The following PPFIBP2 variants were observed in gnomAD, a reference collection of about 807,000 sequenced individuals.
The protein encoded by PPFIBP2 is liprin-beta-2.
In PPFIBP2, 118 loss-of-function variants were observed where a neutral mutation model predicts 118.3. That is an observed-to-expected ratio of 1.00 (90% confidence interval 0.86 to 1.16). The LOEUF is 1.16. Among genes scored for constraint, PPFIBP2 ranks in the 50% most tolerant of loss-of-function variants. The pLI, the probability that PPFIBP2 is intolerant of heterozygous loss-of-function variation, is 0.00. For synonymous variants in PPFIBP2, 414 were observed against 397.4 expected, an observed-to-expected ratio of 1.04 and a Z score of -0.50; for missense variants, 1,195 against 1,073.1, an observed-to-expected ratio of 1.11 and a Z score of -1.59.
At chr11:7,589,822 C>G (rs1322253229) in intron 3 of PPFIBP2, among the ~76,000 whole-genome samples, 4 of 152,196 alleles carry the variant, frequency 2.6e-5, no homozygotes, top group Non-Finnish European at 5.9e-5. Flanking sequence ...GATCCACTAT[C>G]CATCCAAGCC....
intron 3 of PPFIBP2, among the ~76,000 whole-genome samples, chr11:7,569,761 A>G (rs1855443255): frequency 6.6e-6 from 1 of 152,178 alleles, no homozygotes; most frequent in Non-Finnish European, 1.5e-5. Flanking sequence ...GTCAGTGCTC[A>G]TGGAGGATGA....
chr11:7,650,378 G>A (rs892614091), intron 21 of PPFIBP2, among the ~76,000 whole-genome samples: 2 of 152,154 alleles, frequency 1.3e-5, no homozygotes, highest in Admixed American at 6.5e-5. Context: ...CAGGCACAGC[G>A]CTGTGCATTT....
chr11:7,535,275 G>GA (rs1334250934), intron 1 of PPFIBP2, among the ~76,000 whole-genome samples: 2 of 152,218 alleles, frequency 1.3e-5, no homozygotes, highest in African/African-American at 4.8e-5. Flanking sequence ...CCTGAGCATT[G>GA]AAAAATTAGT....
chr11:7,589,938 AAT>A (rs1858932420), intron 3 of PPFIBP2, among the ~76,000 whole-genome samples: 1 of 151,740 alleles, frequency 6.6e-6, no homozygotes, highest in African/African-American at 2.4e-5. Context: ...AGTCTTTTAA[AAT>A]ATTTTTCTCA....
intron 3 of PPFIBP2, among the ~76,000 whole-genome samples, chr11:7,588,369 A>G (rs572436614): frequency 1.3e-5 from 2 of 152,304 alleles, no homozygotes; most frequent in East Asian, 1.9e-4. Context: ...CTGATTGACT[A>G]TCATGATCAA....
intron 7 of PPFIBP2, among the ~76,000 whole-genome samples, chr11:7,625,526 G>A (rs1849878791): frequency 6.6e-6 from 1 of 152,230 alleles, no homozygotes; most frequent in Admixed American, 6.5e-5. Context: ...AACTGGTCAG[G>A]TAGGAAGATG....
At position 7,651,700 on chromosome 11, in the gene PPFIBP2, C is replaced by T. The variant is rs1854037001; in HGVS notation, c.2292C>T (p.Leu764=). The T allele has an allele frequency of 1.2e-6, 2 of 1,613,702 alleles. No homozygotes were observed. Among genetic ancestry groups the T allele is most frequent in the East Asian group, 4.5e-5 (2 of 44,874 alleles). ...RFTGDTLAML[L]NIPPQKTLLR... ...CTGGGGACACCCTGGCTATGCTTCT[C>T]AACATCCCCCCACAAAAGACGCTCC... is the stretch of plus-strand genomic sequence containing the variant. The change falls in exon 23 of 24, where the codon CTC becomes CTT. Residue 764 remains leucine, a synonymous_variant. Transcript: ENST00000299492.
chr11:7,575,576 C>G (rs1856207937), intron 3 of PPFIBP2, among the ~76,000 whole-genome samples: 1 of 152,216 alleles, frequency 6.6e-6, no homozygotes, highest in Admixed American at 6.5e-5. Context: ...CCCAAATCAG[C>G]TTGTCTACCT....
At chr11:7,588,887 T>TACCCC (rs1858702382) in intron 3 of PPFIBP2, among the ~76,000 whole-genome samples, 1 of 152,224 alleles carries the variant, frequency 6.6e-6, no homozygotes, top group African/African-American at 2.4e-5. Flanking sequence ...ACTGTGGCAT[T>TACCCC]CTTTAGTCAA....
chr11:7,617,626 C>T (rs1350901350), intron 6 of PPFIBP2, among the ~76,000 whole-genome samples: 1 of 152,058 alleles, frequency 6.6e-6, no homozygotes, highest in Non-Finnish European at 1.5e-5. Flanking sequence ...GTATGTGACT[C>T]AGATACTGAT....
intron 6 of PPFIBP2, 38 bp downstream of exon 6, chr11:7,610,460 G>T: frequency 6.2e-7 from 1 of 1,600,498 alleles, no homozygotes; most frequent in South Asian, 1.1e-5. Flanking sequence ...CTCAGACCTG[G>T]GAAGGCTGTC....
chr11:7,651,208 G>T, intron 22 of PPFIBP2: 1 of 413,246 alleles, frequency 2.4e-6, no homozygotes, highest in Non-Finnish European at 4.4e-6. Flanking sequence ...CTAGGTCGAT[G>T]GGTTGCATGG....
intron 5 of PPFIBP2, chr11:7,598,024 C>T: frequency 4.8e-6 from 1 of 210,148 alleles, no homozygotes; most frequent in South Asian, 9.9e-5. Context: ...AGTCAATTCT[C>T]AGCTGATTCT....
chr11:7,553,127 G>T (rs1853182001), intron 2 of PPFIBP2, among the ~76,000 whole-genome samples: 1 of 151,992 alleles, frequency 6.6e-6, no homozygotes, highest in South Asian at 2.1e-4. Flanking sequence ...ATACATATAG[G>T]TTTCTGTATA....
At chr11:7,609,372 A>C (rs2135476069) in intron 5 of PPFIBP2, among the ~76,000 whole-genome samples, 1 of 152,330 alleles carries the variant, frequency 6.6e-6, no homozygotes, top group South Asian at 2.1e-4. Flanking sequence ...CAACCTTTGT[A>C]GCCAGTGTCT....
intron 7 of PPFIBP2, among the ~76,000 whole-genome samples, chr11:7,623,495 C>G (rs1317407804): frequency 1.3e-5 from 2 of 152,160 alleles, no homozygotes; most frequent in East Asian, 1.9e-4. Flanking sequence ...AACAGAGCAC[C>G]TATAGTTTCT....
At chr11:7,660,406 T>A (rs1373351649), downstream of PPFIBP2, among the ~76,000 whole-genome samples, 1 of 96,216 alleles carries the variant, frequency 1.0e-5, no homozygotes, top group African/African-American at 3.0e-5. Context: ...ATTGAGATAA[T>A]CGTGGTTTTT....
intron 2 of PPFIBP2, among the ~76,000 whole-genome samples, chr11:7,555,776 T>C (rs1306886280): frequency 6.6e-6 from 1 of 152,214 alleles, no homozygotes; most frequent in Non-Finnish European, 1.5e-5. Flanking sequence ...CAGTCCTTTA[T>C]GGAACTGTGC....
chr11:7,653,804 G>C, downstream of PPFIBP2: 5 of 1,194,920 alleles, frequency 4.2e-6, no homozygotes, highest in Non-Finnish European at 5.3e-6. Flanking sequence ...AAAGAGCTGA[G>C]GGTAGCTGGA....
Sources: gnomAD v4.1 joint callset for allele counts (sites outside exome capture counted in the v4.1 genomes callset) on GRCh38, gnomAD v4.1.1 for gene constraint, MANE v1.5 for transcripts, NCBI Gene and HGNC (gene_info 2026-07-23, HGNC 2026-07-21) for gene names.